Variants in LARP1B observed in about 807,000 individuals in gnomAD.
The protein encoded by LARP1B is la-related protein 1B.
LARP1B carries 76 observed loss-of-function variants against 114.2 expected under a neutral mutation model. The ratio of observed to expected loss-of-function variants is 0.67; its 90% CI spans 0.55 to 0.81. LARP1B has a LOEUF of 0.81. LARP1B is among the 30% of genes least tolerant of loss of function. The pLI is 0.00. For synonymous variants in LARP1B, 345 were observed against 348.0 expected (o/e 0.99, Z 0.10); for missense variants, 1,014 against 1,075.8 (o/e 0.94, Z 0.80).
intron 10 of LARP1B, among the ~76,000 whole-genome samples, chr4:128,120,774 T>C (rs1416933689): frequency 7.0e-6 from 1 of 141,952 alleles, no homozygotes; most frequent in Admixed American, 7.2e-5. Context: ...CTGGCCTAGC[T>C]GTTTTAAGTT....
downstream of LARP1B, among the ~76,000 whole-genome samples, chr4:128,216,734 A>G (rs1000543447): frequency 1.4e-4 from 21 of 151,846 alleles, no homozygotes; most frequent in African/African-American, 2.2e-4. Context: ...AATTAAAAGA[A>G]CTAGAGAAGC....
chr4:128,091,561 A>G, intron 7 of LARP1B, 49 bp downstream of exon 7: 1 of 1,438,902 alleles, frequency 6.9e-7, no homozygotes. Flanking sequence ...ATCTGTTGCA[A>G]TATGAACTTT....
chr4:128,121,772 T>G, intron 10 of LARP1B, 54 bp from the exon 11 acceptor site: 1 of 1,274,400 alleles, frequency 7.8e-7, no homozygotes, highest in Non-Finnish European at 1.1e-6. Flanking sequence ...TTATGACATT[T>G]AATTTAAAAA....
intron 7 of LARP1B, among the ~76,000 whole-genome samples, chr4:128,096,509 C>T: frequency 6.6e-6 from 1 of 151,926 alleles, no homozygotes; most frequent in East Asian, 1.9e-4. Context: ...GATAAAACAT[C>T]TAATCATCTT....
intron 9 of LARP1B, 86 bp from the exon 10 acceptor site, chr4:128,114,484 G>A: frequency 1.0e-6 from 1 of 980,974 alleles, no homozygotes; most frequent in Non-Finnish European, 1.5e-6. Flanking sequence ...AAAATATCAA[G>A]CCCCAGTTAA....
intron 14 of LARP1B, 32 bp downstream of exon 14, chr4:128,178,674 C>T: frequency 6.8e-7 from 1 of 1,466,904 alleles, no homozygotes; most frequent in Non-Finnish European, 9.5e-7. Context: ...ATAAGGCTTG[C>T]ATTTTGTATC....
At chr4:128,195,882 C>T (rs888815282) in intron 15 of LARP1B, among the ~76,000 whole-genome samples, 1 of 151,998 alleles carries the variant, frequency 6.6e-6, no homozygotes, top group African/African-American at 2.4e-5. Flanking sequence ...AGAGAAGATG[C>T]AAATAACTAG....
chr4:128,069,053 C>T (rs1477429375), intron 1 of LARP1B: 1 of 1,004,048 alleles, frequency 1.0e-6, no homozygotes, highest in African/African-American at 1.6e-5. Context: ...TGCGCCTTCT[C>T]CAAGCTCCCT....
chr4:128,164,872 G>A (rs1740039238), intron 12 of LARP1B, among the ~76,000 whole-genome samples: 1 of 152,042 alleles, frequency 6.6e-6, no homozygotes. Context: ...ATAGTAGAAT[G>A]TATTATAAGA....
intron 7 of LARP1B, among the ~76,000 whole-genome samples, chr4:128,220,991 AAC>A (rs915507351): frequency 2.0e-5 from 3 of 152,238 alleles, no homozygotes; most frequent in Non-Finnish European, 4.4e-5. Context: ...CGTGAAATAG[AAC>A]ACAGAACCCC....
intron 16 of LARP1B, among the ~76,000 whole-genome samples, chr4:128,200,198 T>C (rs2150888692): frequency 6.6e-6 from 1 of 152,352 alleles, no homozygotes; most frequent in Admixed American, 6.5e-5. Context: ...TCAGCAGTCC[T>C]CAATCTTTTT....
intron 12 of LARP1B, among the ~76,000 whole-genome samples, chr4:128,165,774 T>C (rs1377145240): frequency 6.6e-6 from 1 of 152,080 alleles, no homozygotes; most frequent in Non-Finnish European, 1.5e-5. Context: ...CAGCATTAGA[T>C]CAAATTAATC....
chr4:128,172,352 A>G (rs556888821), intron 12 of LARP1B, among the ~76,000 whole-genome samples: 1 of 152,276 alleles, frequency 6.6e-6, no homozygotes, highest in Non-Finnish European at 1.5e-5. Flanking sequence ...ATTTTTAATC[A>G]AATTTGGAAA....
chr4:128,141,180 A>G (rs1304117177), intron 11 of LARP1B, among the ~76,000 whole-genome samples: 1 of 151,882 alleles, frequency 6.6e-6, no homozygotes, highest in Non-Finnish European at 1.5e-5. Flanking sequence ...GAGTGGTATA[A>G]ATCTGTACAG....
chr4:128,083,907 G>T (rs1429038271), intron 5 of LARP1B, among the ~76,000 whole-genome samples: 1 of 151,686 alleles, frequency 6.6e-6, no homozygotes, highest in Non-Finnish European at 1.5e-5. Flanking sequence ...TTCTCAGACG[G>T]GGCGGCTGCC....
chr4:128,183,363 G>A (rs142057518), intron 15 of LARP1B, among the ~76,000 whole-genome samples: 29 of 152,258 alleles, frequency 1.9e-4, no homozygotes, highest in African/African-American at 7.0e-4. Flanking sequence ...GCAATGCCAG[G>A]GCTCTTTTGA....
At chr4:128,113,611 G>A (rs1400824975) in intron 9 of LARP1B, among the ~76,000 whole-genome samples, 1 of 151,750 alleles carries the variant, frequency 6.6e-6, no homozygotes, top group Non-Finnish European at 1.5e-5. Context: ...AAACTGCTGG[G>A]ATTGTAGGTG....
At chr4:128,212,756 G>C (rs1487602697), downstream of LARP1B, among the ~76,000 whole-genome samples, 1 of 152,034 alleles carries the variant, frequency 6.6e-6, no homozygotes, top group Admixed American at 6.6e-5. Flanking sequence ...CTAGAAGTTG[G>C]AACTCTAAGT....
At chr4:128,165,732 G>A (rs1740519878) in intron 12 of LARP1B, among the ~76,000 whole-genome samples, 1 of 152,016 alleles carries the variant, frequency 6.6e-6, no homozygotes, top group Non-Finnish European at 1.5e-5. Context: ...ATATATAAGA[G>A]GGGTCAAATC....
Sources: allele counts gnomAD v4.1 joint callset (sites outside exome capture counted in the v4.1 genomes callset), GRCh38; gene constraint gnomAD v4.1.1; transcripts MANE v1.5; gene names NCBI Gene and HGNC (gene_info 2026-07-23, HGNC 2026-07-21).